Variants in TLCD5 observed in about 807,000 individuals in gnomAD.
TLCD5 encodes the protein TLC domain-containing protein 5.
Under a neutral mutation model 20.5 loss-of-function variants are expected in TLCD5, and 15 were observed. The observed-to-expected ratio is 0.73, with a 90% CI of 0.49 to 1.13. TLCD5 has a LOEUF of 1.13. Among genes scored for constraint, TLCD5 ranks in the 50% most tolerant of loss-of-function variants. TLCD5 has a pLI of 0.00. For missense variants in TLCD5, 289 were observed against 305.6 expected, an observed-to-expected ratio of 0.95 and a Z score of 0.41; for synonymous variants, 107 against 114.7, an observed-to-expected ratio of 0.93 and a Z score of 0.43.
chr11:120,328,762 T>TTG lies in TLCD5; in HGVS notation c.199+1137_199+1138dup, dbSNP rs1165132439. ...ATCCCTTCTAAGGATAACAGTCATATTGTGTGTGTGTGTGTGCGCGTGTAT... is the reference window on the plus strand; with the variant it reads ...ATCCCTTCTAAGGATAACAGTCATATTGTGTGTGTGTGTGTGTGCGCGTGTAT... On this transcript the variant is annotated intron_variant, in intron 2 of 2. Transcript: ENST00000375095. 3.1e-3 allele frequency among the ~76,000 whole-genome samples: 38 copies of TTG among 12,336 alleles called. 5 individuals carry two copies. The highest frequency in any genetic ancestry group is 0.018 in the East Asian group (6 of 330). 8.1% of individuals were successfully genotyped at this position (12,336 alleles called of 152,430 possible).
At chr11:120,329,789 G>A (rs960308475) in intron 2 of TLCD5, among the ~76,000 whole-genome samples, 188 bp from the exon 3 acceptor site, 2 of 152,156 alleles carry the variant, frequency 1.3e-5, no homozygotes, top group African/African-American at 2.4e-5. Context: ...TCTGAACATC[G>A]TTTAGTTTGA....
In TLCD5 at chr11:120,330,266, C is replaced by CT. The variant is rs575030507; in HGVS notation, c.492dup (p.Val165CysfsTer19). 118 of 1,554,526 alleles carry CT rather than the reference C, an allele frequency of 7.6e-5. 1 individual carries two copies. The East Asian group carries it at 2.2e-3, about 29-fold the overall frequency. ...TCACTGGAGATGTAGTGGACTTCCTCTTTGTGGCTCTGTTCACAGGAGTGA... is the reference window on the plus strand; with the variant it reads ...TCACTGGAGATGTAGTGGACTTCCTCTTTTGTGGCTCTGTTCACAGGAGTGA... On this transcript the variant is annotated frameshift_variant, in exon 3 of 3. Transcript: ENST00000375095. LOFTEE classifies it high-confidence loss of function.
chr11:120,328,661 C>G (rs111500281), intron 2 of TLCD5, among the ~76,000 whole-genome samples: 8 of 150,906 alleles, frequency 5.3e-5, no homozygotes, highest in South Asian at 4.2e-4. Context: ...CTAATCCCTT[C>G]TAAGGATAAC....
Position 120,327,649 on chromosome 11 carries a change from G to A in TLCD5, c.199+9G>A. The stretch of plus-strand genomic sequence containing the variant: ...GCCTTTTACCCACCCAGGTAGGTAG[G>A]GGATTTTCCCTTAGGGATTTATGAT... On this transcript the variant is annotated intron_variant, in intron 2 of 2. Transcript: ENST00000375095. 1 of 1,609,032 alleles carries A rather than the reference G, an allele frequency of 6.2e-7. No individual in the cohort carries two copies. The highest frequency in any genetic ancestry group is 1.7e-5 in the Admixed American group (1 of 59,104).
At position 120,331,357 on chromosome 11, in the gene TLCD5, A is replaced by G. The variant is rs1942149185; in HGVS notation, c.*842A>G. Reference sequence around the variant, plus strand: ...AGCAGTGATTTGTTACGACATGTGAATGAGTTGTCTACTGGACAAGGTCAC... The same window carrying G: ...AGCAGTGATTTGTTACGACATGTGAGTGAGTTGTCTACTGGACAAGGTCAC... On this transcript the variant is annotated 3_prime_UTR_variant, in exon 3 of 3. Transcript: ENST00000375095. This position sits in a 1 kb window ranked among gnomAD's most constrained non-coding sequence, Gnocchi z 4.5. The G allele has an allele frequency of 6.6e-6, 1 of 152,208 alleles. No homozygotes were observed. The highest frequency in any genetic ancestry group is 2.4e-5 in the African/African-American group (1 of 41,454). The allele number at this position is 152,208 out of a possible 1,614,324, so 9.4% of individuals were successfully genotyped here. A position where few individuals can be genotyped will look rare whatever the true frequency, so the allele number is the denominator to read the frequency against.
At position 120,331,202 on chromosome 11, in the gene TLCD5, T is replaced by G. The variant is rs1030359847; in HGVS notation, c.*687T>G. On this transcript the variant is annotated 3_prime_UTR_variant, in exon 3 of 3. Coordinates refer to ENST00000375095, the MANE Select transcript of TLCD5 (RefSeq NM_001198671.2). The surrounding 1 kb of genome is among the most constrained non-coding windows in gnomAD (Gnocchi z 4.5). ...TAGTCTTACTTATAGTTTTGATTTATTATAGTGAAAAGATACAAAGAAAAA... is the reference window on the plus strand; with the variant it reads ...TAGTCTTACTTATAGTTTTGATTTAGTATAGTGAAAAGATACAAAGAAAAA... 1.3e-5 allele frequency: 2 copies of G among 152,194 alleles called. No individual in the cohort carries two copies. The highest frequency in any genetic ancestry group is 4.8e-5 in the African/African-American group (2 of 41,432). 9.4% of individuals were successfully genotyped at this position (152,194 alleles called of 1,614,324 possible).
chr11:120,328,944 G>A (rs1942080862), intron 2 of TLCD5, among the ~76,000 whole-genome samples: 4 of 62,404 alleles, frequency 6.4e-5, no homozygotes, highest in East Asian at 3.4e-4. Context: ...GTGTGTGTGT[G>A]TTTGTGTATG....
chr11:120,329,384 A>G (rs1942098797), intron 2 of TLCD5, among the ~76,000 whole-genome samples: 1 of 152,102 alleles, frequency 6.6e-6, no homozygotes, highest in Admixed American at 6.6e-5. Flanking sequence ...AACTAATGAA[A>G]CCAACTGTTA....
Position 120,330,546 on chromosome 11 carries a change from TAA to T in TLCD5, c.*32_*33del. 1 of 1,577,750 alleles carries T rather than the reference TAA, an allele frequency of 6.3e-7. No individual in the cohort carries two copies. Among genetic ancestry groups the T allele is most frequent in the Non-Finnish European group, 8.6e-7 (1 of 1,161,398 alleles). The stretch of plus-strand genomic sequence containing the variant: ...GCTTGCTCCAGATTATGGATTGGGT[TAA>T]GTCAGCCATGGGAACCAGGTTGGAA... On this transcript the variant is annotated 3_prime_UTR_variant, in exon 3 of 3. Coordinates refer to ENST00000375095, the MANE Select transcript of TLCD5 (RefSeq NM_001198671.2).
intron 2 of TLCD5, among the ~76,000 whole-genome samples, chr11:120,328,761 ATT>A (rs1565400013): frequency 4.5e-4 from 3 of 6,620 alleles, no homozygotes; most frequent in African/African-American, 1.2e-3. Context: ...TAACAGTCAT[ATT>A]GTGTGTGTGT....
rs778227581 is a variant in TLCD5, at chr11:120,330,612, G to T, written c.*97G>T. 7.2e-7 allele frequency: 1 copy of T among 1,391,048 alleles called. No individual in the cohort carries two copies. The highest frequency in any genetic ancestry group is 9.6e-7 in the Non-Finnish European group (1 of 1,044,640). The allele number at this position is 1,391,048 out of a possible 1,614,324, so 86.2% of individuals were successfully genotyped here. ...ATAATTACACTTATAACAAACTTAG[G>T]TTTCAATAAAGGGCTAAATGTATTG... On this transcript the variant is annotated 3_prime_UTR_variant, in exon 3 of 3. Transcript: ENST00000375095.
chr11:120,330,311 C>A lies in TLCD5; in HGVS notation c.534C>A (p.Cys178Ter). 6.3e-7 allele frequency: 1 copy of A among 1,580,660 alleles called. No individual in the cohort carries two copies. Among genetic ancestry groups the A allele is most frequent in the Non-Finnish European group, 8.6e-7 (1 of 1,161,950 alleles). The part of the protein sequence containing the change: ...FTGVRIGVGA[C>*]LLFCEMVSPT... The stretch of plus-strand genomic sequence containing the variant: ...GAGTGAGGATTGGTGTGGGAGCTTG[C>A]CTCCTTTTCTGTGAAATGGTCTCCC... Residue 178 changes from cysteine (C) to a stop codon, truncating the protein, a stop_gained, in exon 3 of 3, where the codon TGC (cysteine) becomes TGA (stop). Transcript: ENST00000375095. LOFTEE classifies it high-confidence loss of function.
In TLCD5 at chr11:120,326,685, C is replaced by T. The variant is rs1591456428; in HGVS notation, c.-1-756C>T. Among the ~76,000 whole-genome samples, 3 of 152,324 alleles carry T rather than the reference C, an allele frequency of 2.0e-5. No homozygotes were observed. The East Asian group carries it at 5.8e-4, about 29-fold the overall frequency. On this transcript the variant is annotated intron_variant, in intron 1 of 2. Coordinates refer to ENST00000375095, the MANE Select transcript of TLCD5 (RefSeq NM_001198671.2). ...TGTCACCAGTAAAAGTTCCAAGGTA[C>T]AGCTTTCTGGCTTCATTTCATTTTT...
chr11:120,329,545 G>A (rs1942101612), intron 2 of TLCD5, among the ~76,000 whole-genome samples: 1 of 151,682 alleles, frequency 6.6e-6, no homozygotes, highest in Non-Finnish European at 1.5e-5. Context: ...GTTCAATAAC[G>A]TAACCCATTA....
In TLCD5 at chr11:120,332,504, G is replaced by T. The variant is rs1195138810; in HGVS notation, c.*1989G>T. The T allele has an allele frequency of 6.6e-6, 1 of 152,268 alleles. No homozygotes were observed. The highest frequency in any genetic ancestry group is 2.1e-4 in the South Asian group (1 of 4,812). The allele number at this position is 152,268 out of a possible 1,614,324, so 9.4% of individuals were successfully genotyped here. ...ATTCCATGGCCACTGGTAATCTAACGTAATGAATGGTGTCTTTTGTTGTTG... is the reference window on the plus strand; with the variant it reads ...ATTCCATGGCCACTGGTAATCTAACTTAATGAATGGTGTCTTTTGTTGTTG... On this transcript the variant is annotated 3_prime_UTR_variant, in exon 3 of 3. Coordinates refer to ENST00000375095, the MANE Select transcript of TLCD5 (RefSeq NM_001198671.2). This position sits in a 1 kb window ranked among gnomAD's most constrained non-coding sequence, Gnocchi z 4.2.
chr11:120,326,134 G>C (rs1406408754), intron 1 of TLCD5, among the ~76,000 whole-genome samples: 1 of 152,136 alleles, frequency 6.6e-6, no homozygotes, highest in Non-Finnish European at 1.5e-5. Context: ...GGACTGTAGA[G>C]TTCTTCAGTC....
Position 120,330,206 on chromosome 11 carries a change from C to T in TLCD5, c.429C>T (p.Arg143=), listed in dbSNP as rs770613045. 15 of 1,562,554 alleles carry T rather than the reference C, an allele frequency of 9.6e-6. No homozygotes were observed. The African/African-American group carries it at 1.9e-4, about 20-fold the overall frequency. ...TTACCAACCCCTTGCTACAGATGCG[C>T]TGGTTTCTCCGGGAAACAGGGCACT... ...SELTNPLLQM[R]WFLRETGHYH... The change falls in exon 3 of 3, where the codon CGC becomes CGT. Residue 143 remains arginine, a synonymous_variant. Transcript: ENST00000375095.
chr11:120,333,651 A>C lies in TLCD5; in HGVS notation c.*3136A>C, dbSNP rs1475586016. ...TTATATTTCCATAAGATTTGTACTA[A>C]ATTTTATAAAAGTAAAACAACTTTT... On this transcript the variant is annotated 3_prime_UTR_variant, in exon 3 of 3. Coordinates refer to ENST00000375095, the MANE Select transcript of TLCD5 (RefSeq NM_001198671.2). The surrounding 1 kb of genome is among the most constrained non-coding windows in gnomAD (Gnocchi z 4.5). 3 of 152,190 alleles carry C rather than the reference A, an allele frequency of 2.0e-5. No individual in the cohort carries two copies. Among genetic ancestry groups the C allele is most frequent in the Non-Finnish European group, 4.4e-5 (3 of 68,038 alleles). 9.4% of individuals were successfully genotyped at this position (152,190 alleles called of 1,614,324 possible).
rs1021886211 is a variant in TLCD5, at chr11:120,330,380, T to C, written c.603T>C (p.Tyr201=). The change falls in exon 3 of 3, where the codon TAT becomes TAC. Residue 201 remains tyrosine, a synonymous_variant. Coordinates refer to ENST00000375095, the MANE Select transcript of TLCD5 (RefSeq NM_001198671.2). ...WFVKAGGVAM[Y]AVSWCFMFSI... ...TGAAGGCTGGGGGAGTAGCGATGTA[T>C]GCTGTGTCTTGGTGTTTCATGTTTA... The C allele has an allele frequency of 6.2e-7, 1 of 1,614,124 alleles. No individual in the cohort carries two copies. The highest frequency in any genetic ancestry group is 8.5e-7 in the Non-Finnish European group (1 of 1,180,014).
Sources: gnomAD v4.1 joint callset for allele counts (sites outside exome capture counted in the v4.1 genomes callset) on GRCh38, gnomAD v4.1.1 for gene constraint, Gnocchi (gnomAD v3.1) non-coding constraint, MANE v1.5 for transcripts, NCBI Gene and HGNC (gene_info 2026-07-23, HGNC 2026-07-21) for gene names.